The following STIMATE variants were observed in gnomAD, a reference collection of about 807,000 sequenced individuals.
The protein encoded by STIMATE is STIM activating enhancer.
In STIMATE, 15 loss-of-function variants were observed where a neutral mutation model predicts 36.7. That is an observed-to-expected ratio of 0.41 (90% CI 0.27 to 0.63). The LOEUF (loss-of-function observed/expected upper bound fraction) is 0.63, where lower values mean the gene tolerates loss of function less well. STIMATE is among the 20% of genes least tolerant of loss of function. The probability of loss-of-function intolerance (pLI) is 0.32; values close to 1 mark genes in which losing one functional copy is unlikely to be tolerated. For missense variants in STIMATE, 305 were observed against 397.3 expected, an observed-to-expected ratio of 0.77 and a Z score of 1.98; for synonymous variants, 163 against 162.3, an observed-to-expected ratio of 1.00 and a Z score of -0.03.
chr3:52,871,259 G>A (rs755953010), intron 1 of STIMATE, among the ~76,000 whole-genome samples: 2 of 152,068 alleles, frequency 1.3e-5, no homozygotes, highest in Admixed American at 1.3e-4. Flanking sequence ...CCATGTGGAC[G>A]AACATCCACA....
At chr3:52,871,402 G>C (rs1422833889) in intron 1 of STIMATE, among the ~76,000 whole-genome samples, 1 of 152,070 alleles carries the variant, frequency 6.6e-6, no homozygotes, top group Non-Finnish European at 1.5e-5. Flanking sequence ...CTGTGTGGGA[G>C]CACCTGCGGC....
In STIMATE at chr3:52,839,001, A is replaced by G. The variant is rs2336156; in HGVS notation, c.*1493T>C. Reference sequence around the variant, plus strand: ...CTGCCTCTGAGCTTGACAAACCACCAAGCAGTGCCCCTACCTTGCTGTTTC... The same window carrying G: ...CTGCCTCTGAGCTTGACAAACCACCGAGCAGTGCCCCTACCTTGCTGTTTC... On this transcript the variant is annotated 3_prime_UTR_variant, in exon 8 of 8. Transcript: ENST00000355083. 0.97 allele frequency: 147,501 copies of G among 152,294 alleles called. 71,637 individuals carry two copies. The highest frequency in any genetic ancestry group is 1 in the Middle Eastern group (296 of 296). 9.4% of individuals were successfully genotyped at this position (152,294 alleles called of 1,614,324 possible).
At chr3:52,864,397 C>T (rs770026427) in intron 1 of STIMATE, among the ~76,000 whole-genome samples, 12 of 152,148 alleles carry the variant, frequency 7.9e-5, no homozygotes, top group South Asian at 4.1e-4. Context: ...CTGGGATGCA[C>T]GGCACCAAGT....
At position 52,890,709 on chromosome 3, in the gene STIMATE, G is replaced by A. The variant is rs577297673; in HGVS notation, c.160+6582C>T. 8.5e-5 allele frequency among the ~76,000 whole-genome samples: 13 copies of A among 152,302 alleles called. No individual in the cohort carries two copies. The South Asian group carries it at 1.9e-3, about 22-fold the overall frequency. On this transcript the variant is annotated intron_variant, in intron 1 of 7. Transcript: ENST00000355083. The stretch of plus-strand genomic sequence containing the variant: ...CACAAGGAAAAGGATAATTCTTCTG[G>A]GTAAACCTCAAGATTATTAATGACC...
At chr3:52,842,616 G>C (rs532581688) in intron 7 of STIMATE, among the ~76,000 whole-genome samples, 195 bp downstream of exon 7, 1 of 152,324 alleles carries the variant, frequency 6.6e-6, no homozygotes, top group South Asian at 2.1e-4. Flanking sequence ...CAGGCCCAAG[G>C]GACAGTGGGA....
intron 4 of STIMATE, among the ~76,000 whole-genome samples, chr3:52,848,866 C>A (rs1354048211): frequency 1.3e-5 from 2 of 152,200 alleles, no homozygotes; most frequent in Non-Finnish European, 2.9e-5. Context: ...CATCAGGCAT[C>A]AAGTACGGGG....
At chr3:52,850,611 GTGC>G (rs1273440185) in intron 3 of STIMATE, among the ~76,000 whole-genome samples, 1 of 152,226 alleles carries the variant, frequency 6.6e-6, no homozygotes, top group East Asian at 1.9e-4. Context: ...GCCCAGAACA[GTGC>G]TGCTGCACCA....
chr3:52,866,435 A>T (rs1324927750), intron 1 of STIMATE, among the ~76,000 whole-genome samples: 6 of 152,188 alleles, frequency 3.9e-5, no homozygotes, highest in African/African-American at 1.4e-4. Flanking sequence ...CCTCTCGGAC[A>T]TGAGCCCAGA....
At chr3:52,892,848 G>A (rs1350506566) in intron 1 of STIMATE, among the ~76,000 whole-genome samples, 1 of 152,216 alleles carries the variant, frequency 6.6e-6, no homozygotes, top group Non-Finnish European at 1.5e-5. Context: ...GAATGTACAT[G>A]AAACATACAG....
At chr3:52,856,739 G>A (rs1322648516) in intron 1 of STIMATE, among the ~76,000 whole-genome samples, 7 of 152,190 alleles carry the variant, frequency 4.6e-5, no homozygotes, top group Non-Finnish European at 4.4e-5. Flanking sequence ...GACAGTGGAT[G>A]TCTGGGCACT....
At chr3:52,870,865 G>A (rs899736214) in intron 1 of STIMATE, among the ~76,000 whole-genome samples, 1 of 152,074 alleles carries the variant, frequency 6.6e-6, no homozygotes, top group East Asian at 1.9e-4. Flanking sequence ...TCACTAAGGT[G>A]CTCCAAGTAA....
chr3:52,851,097 G>A (rs533296244), intron 3 of STIMATE, among the ~76,000 whole-genome samples: 1 of 152,348 alleles, frequency 6.6e-6, no homozygotes, highest in Admixed American at 6.5e-5. Context: ...GAGAGGAGGA[G>A]GCTCTGAAGG....
chr3:52,837,921 A>T lies in STIMATE; in HGVS notation c.*2573T>A, dbSNP rs1700732217. On this transcript the variant is annotated 3_prime_UTR_variant, in exon 8 of 8. Transcript: ENST00000355083. ...CTGATCTGCTCTCATGGGATGGTGC[A>T]CCACGGAAGAGCCCCCAGTGACTGC... 1 of 152,214 alleles carries T rather than the reference A, an allele frequency of 6.6e-6. No homozygotes were observed. Among genetic ancestry groups the T allele is most frequent in the Non-Finnish European group, 1.5e-5 (1 of 68,054 alleles). The allele number at this position is 152,214 out of a possible 1,614,324, so 9.4% of individuals were successfully genotyped here.
intron 1 of STIMATE, among the ~76,000 whole-genome samples, chr3:52,866,801 C>G (rs772194151): frequency 6.6e-6 from 1 of 152,150 alleles, no homozygotes; most frequent in African/African-American, 2.4e-5. Flanking sequence ...GGTAGAGTAA[C>G]AAGTCAAAAA....
intron 1 of STIMATE, among the ~76,000 whole-genome samples, chr3:52,868,745 C>T (rs1701352841): frequency 6.6e-6 from 1 of 152,230 alleles, no homozygotes; most frequent in South Asian, 2.1e-4. Context: ...GCCTCAGCCT[C>T]CTGAGTAGCT....
chr3:52,896,469 C>CT (rs1701866817), intron 1 of STIMATE, among the ~76,000 whole-genome samples: 2 of 152,092 alleles, frequency 1.3e-5, no homozygotes, highest in Non-Finnish European at 1.5e-5. Context: ...AAGCCCCCCC[C>CT]CACCCCCCAT....
intron 1 of STIMATE, among the ~76,000 whole-genome samples, chr3:52,884,399 C>T (rs1370154286): frequency 6.6e-6 from 1 of 152,198 alleles, no homozygotes; most frequent in East Asian, 1.9e-4. Context: ...GCGCCCGCCA[C>T]CACGCCCGGC....
At chr3:52,866,682 A>T (rs747980570) in intron 1 of STIMATE, among the ~76,000 whole-genome samples, 1 of 152,220 alleles carries the variant, frequency 6.6e-6, no homozygotes, top group Non-Finnish European at 1.5e-5. Context: ...GGCGGGGACC[A>T]GGCACCCAGC....
chr3:52,872,506 C>T (rs1019903698), intron 1 of STIMATE, among the ~76,000 whole-genome samples: 1 of 152,222 alleles, frequency 6.6e-6, no homozygotes, highest in African/African-American at 2.4e-5. Flanking sequence ...AAGCTGTACG[C>T]AAGACTGTCA....
Sources: allele counts gnomAD v4.1 joint callset (sites outside exome capture counted in the v4.1 genomes callset), GRCh38; gene constraint gnomAD v4.1.1; transcripts MANE v1.5; gene names NCBI Gene and HGNC (gene_info 2026-07-23, HGNC 2026-07-21).